The following TXLNB variants were observed in gnomAD, a reference collection of about 807,000 sequenced individuals.
TXLNB encodes the protein taxilin beta.
Under a neutral mutation model 57.4 loss-of-function variants are expected in TXLNB, and 37 were observed. The observed-to-expected ratio is 0.64, with a 90% CI of 0.50 to 0.85. TXLNB has a LOEUF of 0.85. Ranked by LOEUF, TXLNB falls within the 40% of genes least tolerant of loss-of-function variation. The pLI is 0.00. For synonymous variants in TXLNB, 302 were observed against 309.6 expected (o/e 0.98, Z 0.26); for missense variants, 848 against 825.6 (o/e 1.03, Z -0.33).
At chr6:139,259,291 T>G (rs749346685) in intron 6 of TXLNB, among the ~76,000 whole-genome samples, 2 of 152,120 alleles carry the variant, frequency 1.3e-5, no homozygotes, top group Non-Finnish European at 2.9e-5. Context: ...CCCAGTACTT[T>G]CCCATTGTAT....
chr6:139,184,005 C>A, the TXLNB span, among the ~76,000 whole-genome samples: 2 of 152,212 alleles, frequency 1.3e-5, no homozygotes, highest in African/African-American at 2.4e-5. Flanking sequence ...TCTGCTAATA[C>A]TGCACTGTCC....
intron 3 of TXLNB, chr6:139,271,843 A>G (rs1376270267): frequency 6.6e-6 from 1 of 152,222 alleles, no homozygotes; most frequent in African/African-American, 2.4e-5. Flanking sequence ...TAGGGCCCAG[A>G]TGGTGCTGAA....
chr6:139,236,860 AC>A (rs1775841866), downstream of TXLNB, among the ~76,000 whole-genome samples: 1 of 151,994 alleles, frequency 6.6e-6, no homozygotes. Flanking sequence ...TGATCCACCC[AC>A]CTTGGCCTCC....
chr6:139,296,806 G>A (rs1395535768), upstream of TXLNB, among the ~76,000 whole-genome samples: 1 of 152,122 alleles, frequency 6.6e-6, no homozygotes, highest in Non-Finnish European at 1.5e-5. Flanking sequence ...GCAGCTACTT[G>A]GAAGACAGGG....
chr6:139,224,325 A>G, the TXLNB span, among the ~76,000 whole-genome samples: 14 of 147,792 alleles, frequency 9.5e-5, no homozygotes, highest in African/African-American at 3.5e-4. Context: ...GAGGGATAGC[A>G]TTGGGAGATA....
chr6:139,166,819 G>T, the TXLNB span: 3 of 1,613,636 alleles, frequency 1.9e-6, no homozygotes, highest in Non-Finnish European at 2.5e-6. Context: ...GTGGCTCCCC[G>T]GGCCAGTCCC....
the TXLNB span, among the ~76,000 whole-genome samples, chr6:139,229,330 A>ATTTG: frequency 8.6e-5 from 13 of 151,644 alleles, no homozygotes; most frequent in East Asian, 2.5e-3. Flanking sequence ...AATTTTATTT[A>ATTTG]TTTATTTTTG....
the TXLNB span, among the ~76,000 whole-genome samples, chr6:139,169,077 G>A: frequency 3.3e-5 from 5 of 152,172 alleles, no homozygotes; most frequent in South Asian, 6.2e-4. Flanking sequence ...CGTGCTTTCT[G>A]TACTCTCTTG....
At chr6:139,265,251 T>A (rs1238418191) in intron 4 of TXLNB, among the ~76,000 whole-genome samples, 2 of 152,236 alleles carry the variant, frequency 1.3e-5, no homozygotes, top group Non-Finnish European at 2.9e-5. Context: ...TCTCATTTCT[T>A]TAGGAAAATC....
At chr6:139,212,625 A>G in the TXLNB span, among the ~76,000 whole-genome samples, 1 of 152,168 alleles carries the variant, frequency 6.6e-6, no homozygotes. Context: ...TTCACACATA[A>G]CAATACTAAC....
the TXLNB span, among the ~76,000 whole-genome samples, chr6:139,168,785 T>G: frequency 6.6e-6 from 1 of 152,252 alleles, no homozygotes; most frequent in Non-Finnish European, 1.5e-5. Context: ...TTTGAGACTT[T>G]CAACGTCTGA....
At chr6:139,213,669 A>C in the TXLNB span, among the ~76,000 whole-genome samples, 4 of 152,220 alleles carry the variant, frequency 2.6e-5, no homozygotes, top group Non-Finnish European at 1.5e-5. Flanking sequence ...AAACCCTTCA[A>C]AAAATCAATG....
the TXLNB span, chr6:139,203,519 C>T: frequency 1.3e-5 from 2 of 152,240 alleles, no homozygotes; most frequent in African/African-American, 2.4e-5. Context: ...TTTCTTGAAA[C>T]ACTTTCTTCC....
intron 3 of TXLNB, among the ~76,000 whole-genome samples, chr6:139,272,320 T>C (rs941633380): frequency 6.6e-6 from 1 of 151,754 alleles, no homozygotes; most frequent in Non-Finnish European, 1.5e-5. Flanking sequence ...AAATAATAAA[T>C]AAAAAATAAA....
the TXLNB span, among the ~76,000 whole-genome samples, chr6:139,194,807 A>G: frequency 0.086 from 13,064 of 152,144 alleles, 776 homozygotes; most frequent in South Asian, 0.15. Flanking sequence ...CCAGCCCCCA[A>G]TTACTTCTGT....
intron 2 of TXLNB, among the ~76,000 whole-genome samples, chr6:139,277,886 T>TTC (rs1776940798): frequency 6.6e-6 from 1 of 152,166 alleles, no homozygotes; most frequent in Admixed American, 6.5e-5. Flanking sequence ...TTGACAACCT[T>TTC]TCCCCCAAGA....
the TXLNB span, chr6:139,177,950 T>C: frequency 6.6e-6 from 1 of 152,184 alleles, no homozygotes; most frequent in Admixed American, 6.5e-5. This position sits in a 1 kb window ranked among gnomAD's most constrained non-coding sequence, Gnocchi z 4.9. Flanking sequence ...TTCTCACAGG[T>C]AAATCTTTCA....
the TXLNB span, among the ~76,000 whole-genome samples, chr6:139,315,492 T>A: frequency 6.6e-6 from 1 of 152,246 alleles, no homozygotes; most frequent in African/African-American, 2.4e-5. Flanking sequence ...AATTCATGTA[T>A]CTCTGCATTC....
At chr6:139,225,438 C>T in the TXLNB span, among the ~76,000 whole-genome samples, 1 of 152,096 alleles carries the variant, frequency 6.6e-6, no homozygotes, top group Non-Finnish European at 1.5e-5. Flanking sequence ...AAAACATCTG[C>T]AAATAGCCTA....
Sources: gnomAD v4.1 joint callset for allele counts (sites outside exome capture counted in the v4.1 genomes callset) on GRCh38, gnomAD v4.1.1 for gene constraint, Gnocchi (gnomAD v3.1) non-coding constraint, MANE v1.5 for transcripts, NCBI Gene and HGNC (gene_info 2026-07-23, HGNC 2026-07-21) for gene names.